TMCC3: variants seen among roughly 807,000 people sequenced by gnomAD.
The protein encoded by TMCC3 is transmembrane and coiled-coil domain family 3, also known as transmembrane and coiled-coil domain protein 3.
In TMCC3, 28 loss-of-function variants were observed where a neutral mutation model predicts 40.2. The observed-to-expected ratio is 0.70, with a 90% CI of 0.52 to 0.95. TMCC3 has a LOEUF of 0.95. Ranked by LOEUF, TMCC3 falls within the 40% of genes least tolerant of loss-of-function variation. TMCC3 has a pLI of 0.00. For missense variants in TMCC3, 554 were observed against 615.2 expected (o/e 0.90, Z 1.05); for synonymous variants, 255 against 248.5 (o/e 1.03, Z -0.25).
chr12:94,643,663 G>C (rs1041931771), intron 1 of TMCC3, among the ~76,000 whole-genome samples: 1 of 152,186 alleles, frequency 6.6e-6, no homozygotes, highest in Non-Finnish European at 1.5e-5. Context: ...ATATGACTAC[G>C]TGCAAAAGAC....
In TMCC3 at chr12:94,570,813, A is replaced by C. The variant is rs2068522568; in HGVS notation, c.*622T>G. 1 of 152,844 alleles carries C rather than the reference A, an allele frequency of 6.5e-6. No homozygotes were observed. Among genetic ancestry groups the C allele is most frequent in the South Asian group, 2.1e-4 (1 of 4,838 alleles). 9.5% of individuals were successfully genotyped at this position (152,844 alleles called of 1,614,324 possible). ...TAAATCCCTATGCCTTCCCATTTAA[A>C]GTGTAACAAAACCCCTCAGGTAGAC... On this transcript the variant is annotated 3_prime_UTR_variant, in exon 4 of 4. Transcript: ENST00000261226.
At chr12:94,589,335 A>G (rs918835420) in intron 1 of TMCC3, among the ~76,000 whole-genome samples, 2 of 152,190 alleles carry the variant, frequency 1.3e-5, no homozygotes, top group African/African-American at 4.8e-5. Context: ...GCTATAAAAG[A>G]AAGGCTTATT....
At chr12:94,635,451 C>T (rs6538523) in intron 1 of TMCC3, among the ~76,000 whole-genome samples, 44,816 of 151,958 alleles carry the variant, frequency 0.29, 7,109 homozygotes, top group African/African-American at 0.4. Context: ...TTCTATGTAC[C>T]ATAACAGTGT....
chr12:94,604,552 T>C (rs1362640097), intron 1 of TMCC3, among the ~76,000 whole-genome samples: 11 of 147,874 alleles, frequency 7.4e-5, no homozygotes, highest in African/African-American at 2.8e-4. Flanking sequence ...ACTCCTGTAA[T>C]CCCAGCACTC....
intron 1 of TMCC3, among the ~76,000 whole-genome samples, chr12:94,614,797 A>G (rs1204582467): frequency 2.8e-5 from 4 of 142,346 alleles, no homozygotes; most frequent in Non-Finnish European, 6.0e-5. Flanking sequence ...ACAGAGTCTC[A>G]CTCTGTCACC....
Position 94,581,720 on chromosome 12 carries a change from A to G in TMCC3, c.897T>C (p.Asp299=), listed in dbSNP as rs373598974. The part of the protein sequence containing the change: ...VILEELREIK[D]TQAQLAEDIE... ...TGTCCTCAGCCAGCTGAGCTTGGGT[A>G]TCCTTGATCTCCCTCAGTTCCTCCA... The change falls in exon 2 of 4, where the codon GAT becomes GAC. Residue 299 remains aspartate, a synonymous_variant. Coordinates refer to ENST00000261226, the MANE Select transcript of TMCC3 (RefSeq NM_020698.4). 6.2e-5 allele frequency: 100 copies of G among 1,614,098 alleles called. No individual in the cohort carries two copies. The highest frequency in any genetic ancestry group is 8.2e-5 in the Non-Finnish European group (97 of 1,180,030).
rs367923674 is a variant in TMCC3, at chr12:94,581,867, C to T, written c.750G>A (p.Lys250=). The T allele has an allele frequency of 2.5e-6, 4 of 1,614,128 alleles. No homozygotes were observed. In the Admixed American group the frequency reaches 5.0e-5, roughly 20 times the overall value. The part of the protein sequence containing the change: ...GGSATIVNKP[K]YGSDDECSSG... The stretch of plus-strand genomic sequence containing the variant: ...TCGAACATTCATCATCACTGCCATA[C>T]TTGGGTTTGTTCACGATGGTAGCGC... Residue 250 remains lysine (K), a synonymous_variant, in exon 2 of 4, where the codon AAG becomes AAA. Coordinates refer to ENST00000261226, the MANE Select transcript of TMCC3 (RefSeq NM_020698.4).
chr12:94,626,354 A>G (rs748668729), intron 1 of TMCC3, among the ~76,000 whole-genome samples: 1 of 152,236 alleles, frequency 6.6e-6, no homozygotes, highest in Non-Finnish European at 1.5e-5. Flanking sequence ...AGCATCTTCA[A>G]ACAAACATTT....
chr12:94,584,715 G>T (rs1160633036), intron 1 of TMCC3, among the ~76,000 whole-genome samples: 1 of 151,816 alleles, frequency 6.6e-6, no homozygotes, highest in African/African-American at 2.4e-5. Context: ...ATTTTGTCAT[G>T]AAGGAGAGAC....
At chr12:94,642,573 G>C (rs949142804) in intron 1 of TMCC3, among the ~76,000 whole-genome samples, 2 of 152,188 alleles carry the variant, frequency 1.3e-5, no homozygotes, top group Non-Finnish European at 2.9e-5. Context: ...CTTCCTCAGG[G>C]GACCGGCACT....
chr12:94,588,514 G>GCT (rs1292775367), intron 1 of TMCC3, among the ~76,000 whole-genome samples: 1 of 152,158 alleles, frequency 6.6e-6, no homozygotes, highest in Non-Finnish European at 1.5e-5. Context: ...TGAGCCTCAG[G>GCT]CATTACAAGA....
At chr12:94,571,840 A>G (rs2068531174) in intron 3 of TMCC3, 103 bp from the exon 4 acceptor site, 1 of 1,234,718 alleles carries the variant, frequency 8.1e-7, no homozygotes, top group Non-Finnish European at 1.1e-6. Flanking sequence ...AGAAAGCCCA[A>G]TGCCCAGGCG....
chr12:94,612,259 C>G (rs993109253), intron 1 of TMCC3, among the ~76,000 whole-genome samples: 1 of 151,750 alleles, frequency 6.6e-6, no homozygotes, highest in Non-Finnish European at 1.5e-5. Context: ...CCTTGGCCTC[C>G]TAAAGCTGGG....
intron 2 of TMCC3, among the ~76,000 whole-genome samples, chr12:94,580,772 AG>A (rs1460110281): frequency 1.3e-5 from 2 of 152,072 alleles, no homozygotes; most frequent in Admixed American, 1.3e-4. Context: ...ACATTACATA[AG>A]GACTTCAAGA....
intron 1 of TMCC3, among the ~76,000 whole-genome samples, chr12:94,638,191 GAGA>G (rs2068971156): frequency 6.6e-6 from 1 of 152,204 alleles, no homozygotes; most frequent in Non-Finnish European, 1.5e-5. Context: ...GATCTAGCTG[GAGA>G]AGGTCATAAT....
At chr12:94,597,156 T>A (rs1341764290) in intron 1 of TMCC3, among the ~76,000 whole-genome samples, 1 of 15,110 alleles carries the variant, frequency 6.6e-5, no homozygotes, top group African/African-American at 1.6e-4. Context: ...TATATATATA[T>A]ATGTATATAA....
At position 94,633,074 on chromosome 12, in the gene TMCC3, G is replaced by T. The variant is rs140045563; in HGVS notation, c.78+17279C>A. ...TGGGCCGAGATTGCACCATTGCACT[G>T]CAGCCTGGGTGACAGAGTGAGACTG... On this transcript the variant is annotated intron_variant, in intron 1 of 3. Transcript: ENST00000261226. Among the ~76,000 whole-genome samples, 672 of 152,202 alleles carry T rather than the reference G, an allele frequency of 4.4e-3. 7 individuals carry two copies. The highest frequency in any genetic ancestry group is 0.016 in the African/African-American group (646 of 41,530).
intron 1 of TMCC3, chr12:94,591,094 C>A: frequency 4.1e-6 from 2 of 484,806 alleles, no homozygotes; most frequent in South Asian, 3.3e-5. Context: ...GGGAGATGGT[C>A]GTGCTGGTTG....
chr12:94,595,980 T>C (rs2068712851), intron 1 of TMCC3, among the ~76,000 whole-genome samples: 1 of 152,190 alleles, frequency 6.6e-6, no homozygotes, highest in African/African-American at 2.4e-5. Context: ...GCCCTCAACA[T>C]AAAAACTGAT....
Sources: allele counts gnomAD v4.1 joint callset (sites outside exome capture counted in the v4.1 genomes callset), GRCh38; gene constraint gnomAD v4.1.1; transcripts MANE v1.5; gene names NCBI Gene and HGNC (gene_info 2026-07-23, HGNC 2026-07-21).